Variants in ABCC1 observed in about 807,000 individuals in gnomAD.
ABCC1 encodes the protein ATP binding cassette subfamily C member 1 (ABCC1 blood group), also known as multidrug resistance-associated protein 1.
In ABCC1, 83 loss-of-function variants were observed where a neutral mutation model predicts 172.9. The ratio of observed to expected loss-of-function variants is 0.48; its 90% CI spans 0.40 to 0.58. ABCC1 has a LOEUF of 0.58. ABCC1 is among the 20% of genes least tolerant of loss of function. The pLI is 0.00. For missense variants in ABCC1, 1,817 were observed against 2,002.7 expected (o/e 0.91, Z 1.77); for synonymous variants, 937 against 825.2 (o/e 1.14, Z -2.32).
intron 1 of ABCC1, among the ~76,000 whole-genome samples, chr16:16,005,822 G>A (rs1175617038): frequency 1.3e-5 from 2 of 151,992 alleles, no homozygotes; most frequent in African/African-American, 2.4e-5. Flanking sequence ...TTAGCCAAGC[G>A]GGGTGACCGC....
intron 25 of ABCC1, among the ~76,000 whole-genome samples, chr16:16,125,440 T>C (rs2045386758): frequency 6.6e-6 from 1 of 152,100 alleles, no homozygotes; most frequent in Non-Finnish European, 1.5e-5. Flanking sequence ...TTTATTTATT[T>C]TTTTTGGAGA....
chr16:16,066,327 A>G (rs890287372), intron 12 of ABCC1, among the ~76,000 whole-genome samples: 2 of 151,788 alleles, frequency 1.3e-5, no homozygotes, highest in Non-Finnish European at 2.9e-5. Context: ...GATTATAGGC[A>G]TGCACCACCA....
At chr16:15,963,154 A>G (rs2046173247) in intron 1 of ABCC1, among the ~76,000 whole-genome samples, 1 of 152,254 alleles carries the variant, frequency 6.6e-6, no homozygotes, top group South Asian at 2.1e-4. Context: ...GGCCAGTCAT[A>G]AAACTTTCAA....
Position 16,124,935 on chromosome 16 carries a change from G to T in ABCC1, c.3717+20G>T. The T allele has an allele frequency of 2.5e-6, 4 of 1,614,112 alleles. No individual in the cohort carries two copies. The highest frequency in any genetic ancestry group is 3.4e-6 in the Non-Finnish European group (4 of 1,180,010). ...TTGCAGGTAAGAGGGGATGCTCTTG[G>T]CTGGATTATTAAAGTCTGTTAATGG... On this transcript the variant is annotated intron_variant, in intron 25 of 30. Transcript: ENST00000399410.
At chr16:16,097,904 G>A (rs2051553522) in intron 19 of ABCC1, 1 of 152,352 alleles carries the variant, frequency 6.6e-6, no homozygotes, top group Non-Finnish European at 1.5e-5. Flanking sequence ...TGGTGATACA[G>A]TAATGGATAT....
In ABCC1 at chr16:16,020,062, C is replaced by G. The variant is rs762050326; in HGVS notation, c.615+3441C>G. On this transcript the variant is annotated intron_variant, in intron 5 of 30. Coordinates refer to ENST00000399410, the MANE Select transcript of ABCC1 (RefSeq NM_004996.4). ...TCAGCCTCCTGAGTAACTGGGACTA[C>G]AGGCGCACACCACCATGCCTGGCTA... is the stretch of plus-strand genomic sequence containing the variant. 7.1e-4 allele frequency among the ~76,000 whole-genome samples: 108 copies of G among 152,312 alleles called. 1 individual carries two copies. The highest frequency in any genetic ancestry group is 2.7e-3 in the Admixed American group (41 of 15,294).
intron 5 of ABCC1, among the ~76,000 whole-genome samples, chr16:16,018,873 C>A (rs1241953915): frequency 1.3e-5 from 2 of 152,004 alleles, no homozygotes; most frequent in African/African-American, 2.4e-5. Context: ...AATGGTGACT[C>A]ATGCCTGTAA....
chr16:16,106,777 C>G lies in ABCC1; in HGVS notation c.2775C>G (p.Ser925Arg). ...SSSSSYSGDI[S>R]RHHNSTAELQ... ...CCTCCTCCTATAGTGGGGACATCAGCAGGCACCACAACAGCACCGCAGAAC... is the reference window on the plus strand; with the variant it reads ...CCTCCTCCTATAGTGGGGACATCAGGAGGCACCACAACAGCACCGCAGAAC... Residue 925 changes from serine to arginine, a missense_variant, in exon 21 of 31, where the codon AGC becomes AGG. Ser to Arg is a moderately radical substitution (Grantham distance 110, BLOSUM62 -1). Transcript: ENST00000399410. The G allele has an allele frequency of 6.2e-7, 1 of 1,614,152 alleles. No individual in the cohort carries two copies. The highest frequency in any genetic ancestry group is 8.5e-7 in the Non-Finnish European group (1 of 1,180,044).
intron 18 of ABCC1, among the ~76,000 whole-genome samples, chr16:16,089,838 G>GCCACTGCACTCCAGCCTGGA (rs2051168329): frequency 7.0e-6 from 1 of 143,512 alleles, no homozygotes; most frequent in South Asian, 2.2e-4. Flanking sequence ...CCGAGACTGT[G>GCCACTGCACTCCAGCCTGGA]CCACTGCACT....
intron 22 of ABCC1, among the ~76,000 whole-genome samples, chr16:16,111,933 G>A (rs1217371524): frequency 2.0e-5 from 3 of 152,144 alleles, no homozygotes; most frequent in Admixed American, 6.5e-5. Flanking sequence ...TCTCATTTGC[G>A]GACTTTTGCC....
intron 19 of ABCC1, among the ~76,000 whole-genome samples, chr16:16,101,326 G>A (rs1327749260): frequency 6.6e-6 from 1 of 152,160 alleles, no homozygotes; most frequent in Non-Finnish European, 1.5e-5. Context: ...GAGCCACCGT[G>A]CCCGGCGGCC....
intron 1 of ABCC1, among the ~76,000 whole-genome samples, chr16:15,973,044 C>T (rs2046404605): frequency 6.6e-6 from 1 of 152,078 alleles, no homozygotes; most frequent in African/African-American, 2.4e-5. Flanking sequence ...GTCTGCCCAC[C>T]TCAGCCTCCC....
At chr16:16,124,460 G>A (rs570731557) in intron 24 of ABCC1, among the ~76,000 whole-genome samples, 1 of 148,658 alleles carries the variant, frequency 6.7e-6, no homozygotes, top group East Asian at 2.0e-4. Context: ...CGGCCTATGT[G>A]TATGTATTTT....
chr16:16,103,176 C>T (rs1469913373), intron 20 of ABCC1, among the ~76,000 whole-genome samples: 1 of 152,030 alleles, frequency 6.6e-6, no homozygotes, highest in Non-Finnish European at 1.5e-5. Flanking sequence ...ATAGCAAGAC[C>T]TCATCTCTAC....
intron 1 of ABCC1, among the ~76,000 whole-genome samples, 174 bp from the exon 2 acceptor site, chr16:16,007,642 A>C (rs1373419806): frequency 4.6e-5 from 7 of 151,990 alleles, no homozygotes; most frequent in African/African-American, 1.7e-4. Context: ...CTCATTTCTT[A>C]GTCTTTCTGG....
At chr16:16,127,671 C>T (rs1401322354) in intron 26 of ABCC1, among the ~76,000 whole-genome samples, 2 of 152,208 alleles carry the variant, frequency 1.3e-5, no homozygotes, top group East Asian at 3.9e-4. Flanking sequence ...TGCTACCCGG[C>T]CTCCTGAGGA....
At chr16:16,120,050 G>A (rs949277191) in intron 23 of ABCC1, among the ~76,000 whole-genome samples, 1 of 152,182 alleles carries the variant, frequency 6.6e-6, no homozygotes, top group South Asian at 2.1e-4. Flanking sequence ...AGCTTCTGGG[G>A]CCCCAGAAGA....
intron 1 of ABCC1, among the ~76,000 whole-genome samples, chr16:15,964,325 C>G (rs540993140): frequency 1.3e-5 from 2 of 152,326 alleles, no homozygotes; most frequent in East Asian, 3.9e-4. Flanking sequence ...TAAATCTTCT[C>G]TCTCAAGTTC....
At chr16:15,955,091 C>T (rs1352722660) in intron 1 of ABCC1, among the ~76,000 whole-genome samples, 6 of 152,198 alleles carry the variant, frequency 3.9e-5, no homozygotes, top group South Asian at 2.1e-4. Flanking sequence ...CGCCGTGGCT[C>T]ATGCCTGTAA....
Sources: gnomAD v4.1 joint callset for allele counts (sites outside exome capture counted in the v4.1 genomes callset) on GRCh38, gnomAD v4.1.1 for gene constraint, MANE v1.5 for transcripts, NCBI Gene and HGNC (gene_info 2026-07-23, HGNC 2026-07-21) for gene names.